The following ZMYND8 variants were observed in gnomAD, a reference collection of about 807,000 sequenced individuals.
ZMYND8 encodes the protein zinc finger MYND-type containing 8.
Under a neutral mutation model 140.8 loss-of-function variants are expected in ZMYND8, and 37 were observed. That is an observed-to-expected ratio of 0.26 (90% CI 0.20 to 0.35). ZMYND8 has a LOEUF of 0.35. Among genes scored for constraint, ZMYND8 ranks in the 10% least tolerant of loss-of-function variants. ZMYND8 has a pLI of 1.00. For synonymous variants in ZMYND8, 592 were observed against 597.1 expected (o/e 0.99, Z 0.12); for missense variants, 1,068 against 1,570.0 (o/e 0.68, Z 5.40).
chr20:47,243,624 A>G (rs1201396878), intron 14 of ZMYND8, among the ~76,000 whole-genome samples: 1 of 152,174 alleles, frequency 6.6e-6, no homozygotes, highest in Non-Finnish European at 1.5e-5. Flanking sequence ...CTTTCCCCAG[A>G]CCACTTGCTA....
rs1367253417 is a variant in ZMYND8 at position 47,319,113 on chromosome 20, C to G, written c.86-8909G>C. 4 of 1,174,556 alleles carry G rather than the reference C, an allele frequency of 3.4e-6. No homozygotes were observed. The East Asian group carries it at 2.2e-4, about 64-fold the overall frequency. The allele number at this position is 1,174,556 out of a possible 1,614,324, so 72.8% of individuals were successfully genotyped here. On this transcript the variant is annotated intron_variant, in intron 2 of 22. Transcript: ENST00000471951. Reference sequence around the variant, plus strand: ...GAACAGGCTAAGAGTCACCACTTACCAGGCCAGCCCCGGTCTTGTACGCAT... The same window carrying G: ...GAACAGGCTAAGAGTCACCACTTACGAGGCCAGCCCCGGTCTTGTACGCAT...
At chr20:47,304,703 T>C (rs1303783959) in intron 3 of ZMYND8, among the ~76,000 whole-genome samples, 1 of 152,184 alleles carries the variant, frequency 6.6e-6, no homozygotes, top group Non-Finnish European at 1.5e-5. Flanking sequence ...CTGTGAAGTA[T>C]GTAAGAAAGA....
In ZMYND8 at chr20:47,214,330, A is replaced by C. The variant is rs757759516; in HGVS notation, c.3485-1605T>G. 1.6e-4 allele frequency among the ~76,000 whole-genome samples: 24 copies of C among 152,346 alleles called. No homozygotes were observed. The Middle Eastern group carries it at 0.017, about 108-fold the overall frequency. On this transcript the variant is annotated intron_variant, in intron 21 of 22. Transcript: ENST00000471951. ...AAGACTGACGGCTGCATTCCCGCAC[A>C]GACCTCTGCGGCCTCCCTGCAGCTT...
At chr20:47,328,732 C>G (rs1320259606) in intron 2 of ZMYND8, among the ~76,000 whole-genome samples, 1 of 152,078 alleles carries the variant, frequency 6.6e-6, no homozygotes, top group African/African-American at 2.4e-5. Flanking sequence ...TGCTGGGATT[C>G]CAGGCATGAG....
At chr20:47,216,865 G>T (rs2036202896) in intron 21 of ZMYND8, among the ~76,000 whole-genome samples, 1 of 152,098 alleles carries the variant, frequency 6.6e-6, no homozygotes, top group African/African-American at 2.4e-5. Context: ...ATTAATAAAA[G>T]AAAAACATAT....
intron 2 of ZMYND8, chr20:47,320,110 G>A (rs1026808858): frequency 2.0e-5 from 3 of 152,178 alleles, no homozygotes; most frequent in East Asian, 1.9e-4. Flanking sequence ...GAATCGCGGC[G>A]TCAGAGGGCA....
intron 11 of ZMYND8, among the ~76,000 whole-genome samples, chr20:47,269,608 T>A (rs2075785453): frequency 6.6e-6 from 1 of 152,258 alleles, no homozygotes; most frequent in South Asian, 2.1e-4. Flanking sequence ...CATCATTTAT[T>A]ATCTACATTT....
At chr20:47,216,462 T>C (rs1600868885) in intron 21 of ZMYND8, among the ~76,000 whole-genome samples, 1 of 122,790 alleles carries the variant, frequency 8.1e-6, no homozygotes, top group Non-Finnish European at 1.6e-5. Context: ...GCAACTGCAC[T>C]CCAGTCTGGA....
chr20:47,258,117 C>T (rs967846465), intron 12 of ZMYND8, among the ~76,000 whole-genome samples: 2 of 152,170 alleles, frequency 1.3e-5, no homozygotes, highest in South Asian at 2.1e-4. Flanking sequence ...CAATTCAGTC[C>T]GACAATGTGG....
intron 2 of ZMYND8, among the ~76,000 whole-genome samples, chr20:47,315,654 T>C (rs2079326680): frequency 6.6e-6 from 1 of 152,170 alleles, no homozygotes; most frequent in Non-Finnish European, 1.5e-5. Context: ...CAATTTTTTC[T>C]TCTTTAATGA....
rs772268884 is a variant in ZMYND8 at position 47,294,799 on chromosome 20, C to T, written c.454-20G>A. 36 of 1,601,448 alleles carry T rather than the reference C, an allele frequency of 2.2e-5. No homozygotes were observed. In the Admixed American group the frequency reaches 5.8e-4, roughly 26 times the overall value. Reference sequence around the variant, plus strand: ...AATTTTCTACAAAGTCAAAGTCATACATAAACGTCCGGTTAGAAAAAAGAA... The same window carrying T: ...AATTTTCTACAAAGTCAAAGTCATATATAAACGTCCGGTTAGAAAAAAGAA... On this transcript the variant is annotated intron_variant, in intron 4 of 22. Coordinates refer to ENST00000471951, the MANE Select transcript of ZMYND8 (RefSeq NM_001281775.3).
intron 16 of ZMYND8, among the ~76,000 whole-genome samples, chr20:47,234,929 C>T (rs2039013837): frequency 6.6e-6 from 1 of 152,050 alleles, no homozygotes; most frequent in Middle Eastern, 3.2e-3. Flanking sequence ...CACTTGAGGC[C>T]AGGAGTTTGA....
intron 18 of ZMYND8, 38 bp from the exon 19 acceptor site, chr20:47,224,594 C>T (rs2037423768): frequency 1.2e-6 from 2 of 1,607,716 alleles, no homozygotes. Context: ...CATCACCTGA[C>T]CCCAGCCTGG....
At chr20:47,326,237 C>T (rs1414329510) in intron 2 of ZMYND8, among the ~76,000 whole-genome samples, 1 of 152,160 alleles carries the variant, frequency 6.6e-6, no homozygotes, top group East Asian at 1.9e-4. Context: ...GGATTACAGG[C>T]ATGAGCCACC....
intron 2 of ZMYND8, among the ~76,000 whole-genome samples, chr20:47,324,937 C>T (rs1051484964): frequency 1.3e-5 from 2 of 152,106 alleles, no homozygotes; most frequent in Non-Finnish European, 1.5e-5. Context: ...AGGAGTCTCG[C>T]TCTGTTGCCC....
At chr20:47,292,042 TG>T (rs2077297748) in intron 5 of ZMYND8, among the ~76,000 whole-genome samples, 154 bp from the exon 6 acceptor site, 1 of 152,252 alleles carries the variant, frequency 6.6e-6, no homozygotes, top group Non-Finnish European at 1.5e-5. Context: ...AGCTCCAAAT[TG>T]GTCTACCTTC....
chr20:47,320,341 CCA>C (rs1249843444), intron 2 of ZMYND8: 1 of 152,320 alleles, frequency 6.6e-6, no homozygotes, highest in East Asian at 1.9e-4. Flanking sequence ...GACAGGCCCT[CCA>C]CAGTCACCTT....
chr20:47,280,146 A>G (rs2076518884), intron 10 of ZMYND8, among the ~76,000 whole-genome samples: 1 of 151,046 alleles, frequency 6.6e-6, no homozygotes, highest in South Asian at 2.1e-4. Flanking sequence ...AAAAAAAAGA[A>G]TGGTGGTCAG....
chr20:47,276,828 C>G, intron 10 of ZMYND8, 33 bp from the exon 11 acceptor site: 1 of 1,513,390 alleles, frequency 6.6e-7, no homozygotes, highest in Non-Finnish European at 8.8e-7. Flanking sequence ...GAGTTTAAGT[C>G]AACTTCAGTA....
Sources: gnomAD v4.1 joint callset for allele counts (sites outside exome capture counted in the v4.1 genomes callset) on GRCh38, gnomAD v4.1.1 for gene constraint, MANE v1.5 for transcripts, NCBI Gene and HGNC (gene_info 2026-07-23, HGNC 2026-07-21) for gene names.